Variants in MIA3 observed in about 807,000 individuals in gnomAD.
MIA3 encodes the protein MIA SH3 domain ER export factor 3, also known as transport and Golgi organization protein 1 homolog.
MIA3 carries 90 observed loss-of-function variants against 192.4 expected under a neutral mutation model. That is an observed-to-expected ratio of 0.47 (90% CI 0.39 to 0.56). The LOEUF (loss-of-function observed/expected upper bound fraction) is 0.56, where lower values mean the gene tolerates loss of function less well. Ranked by LOEUF, MIA3 falls within the 20% of genes least tolerant of loss-of-function variation. MIA3 has a pLI of 0.00. For synonymous variants in MIA3, 740 were observed against 792.8 expected (o/e 0.93, Z 1.12); for missense variants, 2,123 against 2,269.4 (o/e 0.94, Z 1.31).
chr1:222,655,806 T>A (rs1663686917), intron 18 of MIA3, among the ~76,000 whole-genome samples: 1 of 152,182 alleles, frequency 6.6e-6, no homozygotes, highest in African/African-American at 2.4e-5. Context: ...AACCCATTGA[T>A]GTGGCAGTGT....
intron 18 of MIA3, among the ~76,000 whole-genome samples, chr1:222,656,130 C>A (rs895202180): frequency 6.6e-6 from 1 of 151,712 alleles, no homozygotes; most frequent in Admixed American, 6.6e-5. Context: ...CCACCATGCC[C>A]GGCTAATTTT....
intron 6 of MIA3, among the ~76,000 whole-genome samples, chr1:222,643,460 G>T (rs755913137): frequency 6.6e-6 from 1 of 151,874 alleles, no homozygotes; most frequent in Non-Finnish European, 1.5e-5. Context: ...TCTTTCTCAG[G>T]GTTTTCCTGC....
chr1:222,662,426 A>G (rs1664064725), intron 26 of MIA3, 94 bp downstream of exon 26: 2 of 1,574,584 alleles, frequency 1.3e-6, no homozygotes, highest in East Asian at 2.2e-5. Flanking sequence ...TGTGTGTTCT[A>G]TCTGTACTAT....
intron 6 of MIA3, chr1:222,641,535 G>T (rs1662851821): frequency 2.0e-6 from 1 of 500,716 alleles, no homozygotes; most frequent in South Asian, 1.5e-5. Flanking sequence ...CTATCTGCTT[G>T]GTTAGGAAGT....
chr1:222,642,935 T>C (rs921446859), intron 6 of MIA3, among the ~76,000 whole-genome samples: 4 of 152,244 alleles, frequency 2.6e-5, no homozygotes, highest in African/African-American at 9.6e-5. Flanking sequence ...CTTTATATTT[T>C]AGGAATATTA....
At chr1:222,624,009 A>G (rs1223934956) in intron 2 of MIA3, among the ~76,000 whole-genome samples, 1 of 152,236 alleles carries the variant, frequency 6.6e-6, no homozygotes, top group Non-Finnish European at 1.5e-5. Flanking sequence ...ATCCTTGGGC[A>G]ACACAGGTTT....
In MIA3 at chr1:222,665,705, A is replaced by C; in HGVS notation, c.*86A>C. 3 of 1,179,554 alleles carry C rather than the reference A, an allele frequency of 2.5e-6. No individual in the cohort carries two copies. The highest frequency in any genetic ancestry group is 5.5e-5 in the East Asian group (2 of 36,370). The allele number at this position is 1,179,554 out of a possible 1,614,324, so 73.1% of individuals were successfully genotyped here. A position where few individuals can be genotyped will look rare whatever the true frequency, so the allele number is the denominator to read the frequency against. ...AAGGATTTCATTGGCTTCAAAATCC[A>C]AAAGTTTATTTTAAAAGGTTTGTTG... On this transcript the variant is annotated 3_prime_UTR_variant, in exon 28 of 28. Transcript: ENST00000344922.
intron 6 of MIA3, chr1:222,641,345 T>G (rs1662844046): frequency 3.2e-6 from 1 of 314,146 alleles, no homozygotes; most frequent in South Asian, 2.9e-5. Context: ...TATAAGACCC[T>G]TCCCTTCCCT....
At chr1:222,636,530 T>TTG (rs1662632334) in intron 6 of MIA3, among the ~76,000 whole-genome samples, 1 of 116,064 alleles carries the variant, frequency 8.6e-6, no homozygotes, top group African/African-American at 2.8e-5. Context: ...TTTTTTTTTT[T>TTG]GAGATAGAGT....
chr1:222,629,297 C>T lies in MIA3; in HGVS notation c.2077C>T (p.His693Tyr). The T allele has an allele frequency of 6.2e-7, 1 of 1,614,118 alleles. No homozygotes were observed. Among genetic ancestry groups the T allele is most frequent in the South Asian group, 1.1e-5 (1 of 91,070 alleles). ...GGACTCCTTGGATGAAGAGTTTTTTCATCACAAGGCAATGCAGGGCACAGA... is the reference window on the plus strand; with the variant it reads ...GGACTCCTTGGATGAAGAGTTTTTTTATCACAAGGCAATGCAGGGCACAGA... Reference protein sequence around the residue: ...KEDSLDEEFFHHKAMQGTEVG... With the variant: ...KEDSLDEEFFYHKAMQGTEVG... Residue 693 changes from histidine (H) to tyrosine (Y), a missense_variant, in exon 4 of 28, where the codon CAT (histidine) becomes TAT (tyrosine). By Grantham distance (83) the His-to-Tyr change is moderately conservative. Transcript: ENST00000344922.
At position 222,665,512 on chromosome 1, in the gene MIA3, C is replaced by G. The variant is rs1487511955; in HGVS notation, c.5617C>G (p.Pro1873Ala). The G allele has an allele frequency of 6.2e-7, 1 of 1,614,148 alleles. No homozygotes were observed. The highest frequency in any genetic ancestry group is 8.5e-7 in the Non-Finnish European group (1 of 1,180,010). The change falls in exon 28 of 28, where the codon CCA becomes GCA. Residue 1873 changes from proline (P) to alanine (A), a missense_variant. Around this residue, in one of 3 missense-constraint regions of MIA3, gnomAD observed 762 missense variants for 856.4 expected, o/e 0.89. Transcript: ENST00000344922. ...PTHGPQEYPP[P>A]PAVRDLLPSG... ...CCATGGTCCCCAGGAATACCCACCA[C>G]CACCTGCTGTAAGAGACTTACTGCC...
rs545988613 is a variant in MIA3, at chr1:222,619,425, C to T, written c.133+1182C>T. Among the ~76,000 whole-genome samples the T allele has an allele frequency of 6.9e-4, 105 of 152,106 alleles. 1 individual carries two copies. The highest frequency in any genetic ancestry group is 8.1e-4 in the Non-Finnish European group (55 of 68,022). On this transcript the variant is annotated intron_variant, in intron 1 of 27. Transcript: ENST00000344922. Reference sequence around the variant, plus strand: ...ATATTCAAATTGATGTTATCAAAACCGAATTTCATAATATGAACTGTTTGT... The same window carrying T: ...ATATTCAAATTGATGTTATCAAAACTGAATTTCATAATATGAACTGTTTGT...
chr1:222,634,586 T>G (rs1011331618), intron 6 of MIA3, among the ~76,000 whole-genome samples: 1 of 152,166 alleles, frequency 6.6e-6, no homozygotes, highest in Non-Finnish European at 1.5e-5. Context: ...ATCTAGGCTT[T>G]TTAGGACTTA....
At chr1:222,659,583 A>C in intron 20 of MIA3, 39 bp from the exon 21 acceptor site, 1 of 1,612,498 alleles carries the variant, frequency 6.2e-7, no homozygotes. Context: ...TATTATAATG[A>C]ATCTGTATGC....
At position 222,665,923 on chromosome 1, in the gene MIA3, T is replaced by C. The variant is rs1211782912; in HGVS notation, c.*304T>C. 4 of 235,804 alleles carry C rather than the reference T, an allele frequency of 1.7e-5. No homozygotes were observed. Among genetic ancestry groups the C allele is most frequent in the East Asian group, 8.5e-5 (1 of 11,830 alleles). The allele number at this position is 235,804 out of a possible 1,614,324, so 14.6% of individuals were successfully genotyped here. ...ATGATTTAGAATGTCATGAAAAATATGAACATTTCCTGTGGAAATGCTTTA... is the reference window on the plus strand; with the variant it reads ...ATGATTTAGAATGTCATGAAAAATACGAACATTTCCTGTGGAAATGCTTTA... On this transcript the variant is annotated 3_prime_UTR_variant, in exon 28 of 28. Coordinates refer to ENST00000344922, the MANE Select transcript of MIA3 (RefSeq NM_198551.4).
chr1:222,644,151 T>G (rs1052183518), intron 6 of MIA3, among the ~76,000 whole-genome samples: 1 of 152,198 alleles, frequency 6.6e-6, no homozygotes, highest in African/African-American at 2.4e-5. Flanking sequence ...AAAGCGCCAG[T>G]CACTTCCGCC....
In MIA3 at chr1:222,629,123, C is replaced by A; in HGVS notation, c.1903C>A (p.Pro635Thr). The A allele has an allele frequency of 3.7e-6, 6 of 1,614,214 alleles. No homozygotes were observed. Among genetic ancestry groups the A allele is most frequent in the Non-Finnish European group, 5.1e-6 (6 of 1,180,034 alleles). ...KTQNQPRFSS[P>T]DEIDLPRELE... Reference sequence around the variant, plus strand: ...TCAAAACCAACCTAGATTCTCCTCTCCAGATGAGATTGATTTGCCCAGAGA... The same window carrying A: ...TCAAAACCAACCTAGATTCTCCTCTACAGATGAGATTGATTTGCCCAGAGA... The change falls in exon 4 of 28, where the codon CCA (proline) becomes ACA (threonine). Residue 635 changes from proline (P) to threonine (T), a missense_variant. By Grantham distance (38) the Pro-to-Thr change is conservative (BLOSUM62 -1). Coordinates refer to ENST00000344922, the MANE Select transcript of MIA3 (RefSeq NM_198551.4).
chr1:222,665,755 G>A lies in MIA3; in HGVS notation c.*136G>A. On this transcript the variant is annotated 3_prime_UTR_variant, in exon 28 of 28. Transcript: ENST00000344922. ...GTTAGAACTAAGCTGCCTTGGCAGT[G>A]TGCATTTTTGAGCCAAACAATTCAA... is the stretch of plus-strand genomic sequence containing the variant. The A allele has an allele frequency of 1.5e-6, 1 of 653,386 alleles. No homozygotes were observed. Among genetic ancestry groups the A allele is most frequent in the South Asian group, 4.1e-5 (1 of 24,682 alleles). The allele number at this position is 653,386 out of a possible 1,614,324, so 40.5% of individuals were successfully genotyped here.
In MIA3 at chr1:222,627,778, A is replaced by C. The variant is rs746312861; in HGVS notation, c.558A>C (p.Ser186=). 1 of 1,613,372 alleles carries C rather than the reference A, an allele frequency of 6.2e-7. No individual in the cohort carries two copies. The highest frequency in any genetic ancestry group is 8.5e-7 in the Non-Finnish European group (1 of 1,179,852). ...AACCTGAACCAGTAGAAGCCAACTC[A>C]GAGGAAAGTGATAGTGTATTCTCAG... is the stretch of plus-strand genomic sequence containing the variant. ...EPEPEPVEAN[S]EESDSVFSEN... The change falls in exon 4 of 28, where the codon TCA becomes TCC. Residue 186 remains serine (S), a synonymous_variant. Transcript: ENST00000344922.
Sources: gnomAD v4.1 joint callset for allele counts (sites outside exome capture counted in the v4.1 genomes callset) on GRCh38, gnomAD v4.1.1 for gene constraint, gnomAD v4.1.1 regional missense constraint, MANE v1.5 for transcripts, NCBI Gene and HGNC (gene_info 2026-07-23, HGNC 2026-07-21) for gene names.